Variants in LRTM3 observed in about 807,000 individuals in gnomAD.
LRTM3 encodes the protein leucine rich repeat transmembrane protein 3.
the LRTM3 span, chr13:102,749,779 C>T: frequency 6.4e-7 from 1 of 1,551,286 alleles, no homozygotes; most frequent in South Asian, 1.2e-5. Flanking sequence ...GACCTTGATT[C>T]TGAAAAGCAT....
At chr13:102,741,547 C>G in the LRTM3 span, 10 of 1,550,142 alleles carry the variant, frequency 6.5e-6, no homozygotes, top group South Asian at 1.2e-4. Flanking sequence ...CCTCAGTTAC[C>G]TTTCCTGTGT....
At chr13:102,743,219 A>G in the LRTM3 span, 2 of 1,550,522 alleles carry the variant, frequency 1.3e-6, no homozygotes, top group Admixed American at 2.0e-5. Context: ...TCTCTTGTCA[A>G]TGGGATCAGA....
chr13:102,757,027 C>G, the LRTM3 span, among the ~76,000 whole-genome samples: 1 of 152,214 alleles, frequency 6.6e-6, no homozygotes, highest in African/African-American at 2.4e-5. Flanking sequence ...TGTTAATCCT[C>G]TGGTTTTGAA....
At chr13:102,745,448 T>G in the LRTM3 span, 2 of 1,550,894 alleles carry the variant, frequency 1.3e-6, no homozygotes, top group Non-Finnish European at 1.7e-6. Context: ...TACCCCCTTT[T>G]TGCCTTGATG....
the LRTM3 span, chr13:102,747,708 T>G: frequency 6.4e-7 from 1 of 1,551,148 alleles, no homozygotes; most frequent in East Asian, 2.4e-5. Context: ...TCTCCGGCAC[T>G]CTCTCTGTCT....
the LRTM3 span, chr13:102,740,287 T>G: frequency 6.5e-7 from 1 of 1,550,220 alleles, no homozygotes; most frequent in Non-Finnish European, 8.7e-7. Flanking sequence ...TTGAATCTTG[T>G]TTTTTCATCT....
chr13:102,738,026 T>C, the LRTM3 span: 1 of 1,550,530 alleles, frequency 6.4e-7, no homozygotes, highest in Non-Finnish European at 8.7e-7. Flanking sequence ...ATCAACCTTT[T>C]CTTGTCCTGC....
At chr13:102,735,045 C>G in the LRTM3 span, 5 of 1,551,068 alleles carry the variant, frequency 3.2e-6, no homozygotes, top group African/African-American at 1.4e-5. Flanking sequence ...TCCTGAAACC[C>G]TGTATTCACA....
the LRTM3 span, chr13:102,737,501 C>T: frequency 6.5e-7 from 1 of 1,550,116 alleles, no homozygotes; most frequent in Non-Finnish European, 8.7e-7. Flanking sequence ...TTCTCCATCC[C>T]TGTTCCCTTG....
the LRTM3 span, chr13:102,750,299 C>A: frequency 7.1e-6 from 11 of 1,546,726 alleles, no homozygotes; most frequent in African/African-American, 6.9e-5. Flanking sequence ...TAGTATTTCA[C>A]GTGAGAATAA....
the LRTM3 span, among the ~76,000 whole-genome samples, chr13:102,752,288 T>C: frequency 3.9e-5 from 6 of 152,184 alleles, no homozygotes; most frequent in African/African-American, 1.4e-4. Flanking sequence ...ACATTTCTCC[T>C]TTCATAAATA....
the LRTM3 span, chr13:102,741,670 A>G: frequency 1.3e-6 from 2 of 1,550,358 alleles, no homozygotes; most frequent in Non-Finnish European, 1.7e-6. Context: ...GTTGAGAAGT[A>G]TCCAACTCTG....
the LRTM3 span, chr13:102,735,488 A>C: frequency 3.2e-6 from 5 of 1,551,182 alleles, no homozygotes; most frequent in East Asian, 9.8e-5. Context: ...AATGCTTGGC[A>C]GTCCTTTAAC....
chr13:102,738,970 A>T, the LRTM3 span: 4 of 1,550,244 alleles, frequency 2.6e-6, no homozygotes, highest in Non-Finnish European at 3.5e-6. Flanking sequence ...TTGCTTTTTC[A>T]ATACTGCTTA....
chr13:102,737,924 C>T, the LRTM3 span: 10 of 1,550,826 alleles, frequency 6.4e-6, no homozygotes, highest in South Asian at 8.3e-5. Context: ...ATTCTTGTCT[C>T]CATCCATTTT....
chr13:102,734,022 C>T, the LRTM3 span: 2 of 1,551,430 alleles, frequency 1.3e-6, no homozygotes, highest in Admixed American at 3.9e-5. Context: ...AGAGGAGGTG[C>T]TGACGGTATA....
chr13:102,747,624 C>A, the LRTM3 span: 1 of 1,551,052 alleles, frequency 6.4e-7, no homozygotes, highest in African/African-American at 1.4e-5. Context: ...CCAAATGGGA[C>A]ACTATACTCT....
chr13:102,738,253 T>C, the LRTM3 span: 1 of 1,550,938 alleles, frequency 6.4e-7, no homozygotes, highest in Non-Finnish European at 8.7e-7. Flanking sequence ...TGTAATCTTT[T>C]GCTTTTTGTA....
At chr13:102,748,634 G>T in the LRTM3 span, 1 of 1,550,338 alleles carries the variant, frequency 6.5e-7, no homozygotes, top group South Asian at 1.2e-5. Flanking sequence ...TTCTAAAGAT[G>T]TCTTGTGCTT....
Sources: gnomAD v4.1 joint callset for allele counts (sites outside exome capture counted in the v4.1 genomes callset) on GRCh38, gnomAD v4.1.1 for gene constraint, MANE v1.5 for transcripts, NCBI Gene and HGNC (gene_info 2026-07-23, HGNC 2026-07-21) for gene names.